The following NUP58 variants were observed in gnomAD, a reference collection of about 807,000 sequenced individuals.
NUP58 encodes nucleoporin 58.
NUP58 carries 17 observed loss-of-function variants against 70.1 expected under a neutral mutation model. The ratio of observed to expected loss-of-function variants is 0.24; its 90% confidence interval spans 0.17 to 0.36. NUP58 has a LOEUF of 0.36. Among genes scored for constraint, NUP58 ranks in the 10% least tolerant of loss-of-function variants. The pLI is 1.00. For missense variants in NUP58, 644 were observed against 701.5 expected (o/e 0.92, Z 0.93); for synonymous variants, 275 against 257.6 (o/e 1.07, Z -0.65).
chr13:25,327,248 C>G (rs948527812), intron 11 of NUP58, among the ~76,000 whole-genome samples, 182 bp from the exon 12 acceptor site: 1 of 152,118 alleles, frequency 6.6e-6, no homozygotes, highest in Non-Finnish European at 1.5e-5. Context: ...GGCCTTCCCC[C>G]CAGATTTCTT....
At chr13:25,301,977 T>A (rs958632062) in intron 1 of NUP58, 97 bp downstream of exon 1, 3 of 794,548 alleles carry the variant, frequency 3.8e-6, no homozygotes, top group Non-Finnish European at 6.0e-6. Context: ...TCCCTCTGGC[T>A]TCCTTCCCAG....
chr13:25,339,990 G>A lies in NUP58; in HGVS notation c.1656G>A (p.Gly552=), dbSNP rs371078051. Residue 552 remains glycine (G), a synonymous_variant, in exon 16 of 16, where the codon GGG becomes GGA. Transcript: ENST00000381736. ...SAGFGSSSTS[G]FNFSNPGITA... is the part of the protein sequence containing the mutation. ...GCTTTGGCAGCTCAAGTACATCTGG[G>A]TTTAACTTCAGCAATCCTGGCATCA... is the stretch of plus-strand genomic sequence containing the variant. The A allele has an allele frequency of 1.1e-5, 18 of 1,609,028 alleles. No individual in the cohort carries two copies. Among genetic ancestry groups the A allele is most frequent in the East Asian group, 2.3e-5 (1 of 44,418 alleles).
intron 3 of NUP58, among the ~76,000 whole-genome samples, chr13:25,310,446 C>G (rs1392767709): frequency 1.9e-4 from 29 of 151,360 alleles, no homozygotes; most frequent in Non-Finnish European, 7.4e-5. Context: ...TCTCGAACTC[C>G]CAACCTCAGG....
chr13:25,333,638 T>G (rs1011780734), intron 13 of NUP58: 5 of 985,282 alleles, frequency 5.1e-6, no homozygotes, highest in Non-Finnish European at 4.8e-6. Context: ...CCAGTCAAAA[T>G]TTTCGTTATT....
chr13:25,344,103 C>T (rs2032020386), downstream of NUP58, among the ~76,000 whole-genome samples: 1 of 151,984 alleles, frequency 6.6e-6, no homozygotes, highest in Non-Finnish European at 1.5e-5. Context: ...TTTGTGAGGT[C>T]AACCTTTTTA....
rs923762395 is a variant in NUP58 at position 25,332,657 on chromosome 13, C to T, written c.1435+1099C>T. 3.7e-5 allele frequency: 36 copies of T among 985,332 alleles called. No homozygotes were observed. The African/African-American group carries it at 6.1e-4, about 17-fold the overall frequency. 61.0% of individuals were successfully genotyped at this position (985,332 alleles called of 1,614,324 possible). On this transcript the variant is annotated intron_variant, in intron 13 of 15. Transcript: ENST00000381736. ...TCACATTTGGAGATGACAGAATTGACTTGCCATAAGTAAAGGGTTGATGAT... is the reference window on the plus strand; with the variant it reads ...TCACATTTGGAGATGACAGAATTGATTTGCCATAAGTAAAGGGTTGATGAT...
intron 3 of NUP58, 42 bp from the exon 4 acceptor site, chr13:25,312,841 G>A: frequency 6.5e-7 from 1 of 1,545,684 alleles, no homozygotes; most frequent in Non-Finnish European, 8.7e-7. Flanking sequence ...AGGTAAAGTA[G>A]GATTTTTGTT....
intron 3 of NUP58, among the ~76,000 whole-genome samples, chr13:25,311,954 A>G (rs1339532423): frequency 6.6e-6 from 1 of 152,144 alleles, no homozygotes; most frequent in East Asian, 1.9e-4. Context: ...ATAGCAAAAA[A>G]TGTTTGTGGT....
chr13:25,303,643 A>T (rs1011982290), intron 1 of NUP58, among the ~76,000 whole-genome samples: 1 of 152,076 alleles, frequency 6.6e-6, no homozygotes, highest in Non-Finnish European at 1.5e-5. Context: ...GGAGATTTCC[A>T]TTCTCCTAGT....
intron 1 of NUP58, among the ~76,000 whole-genome samples, chr13:25,306,965 T>C (rs562855817): frequency 6.6e-6 from 1 of 152,328 alleles, no homozygotes; most frequent in East Asian, 1.9e-4. Flanking sequence ...AGTTTTTCTA[T>C]GCTTTTTTTG....
At chr13:25,317,339 A>G (rs180933672) in intron 6 of NUP58, among the ~76,000 whole-genome samples, 18 of 152,266 alleles carry the variant, frequency 1.2e-4, no homozygotes, top group Non-Finnish European at 2.5e-4. Flanking sequence ...AAGGGATTTG[A>G]TGAGATTTGT....
At position 25,336,928 on chromosome 13, in the gene NUP58, T is replaced by TA. The variant is rs756138755; in HGVS notation, c.1436-7dup. On this transcript the variant is annotated splice_region_variant and splice_polypyrimidine_tract_variant and intron_variant, in intron 13 of 15. Transcript: ENST00000381736. ...TTCCCCCCCATTTTTTTTTTTTTTTTATACCAGGGCCACAGCCATCTCTGG... is the reference window on the plus strand; with the variant it reads ...TTCCCCCCCATTTTTTTTTTTTTTTTAATACCAGGGCCACAGCCATCTCTGG... The TA allele has an allele frequency of 1.3e-6, 2 of 1,536,198 alleles. No homozygotes were observed. Among genetic ancestry groups the TA allele is most frequent in the Non-Finnish European group, 1.7e-6 (2 of 1,144,308 alleles).
intron 12 of NUP58, among the ~76,000 whole-genome samples, chr13:25,328,756 C>G (rs574178511): frequency 1.3e-3 from 198 of 152,212 alleles, no homozygotes; most frequent in Admixed American, 4.4e-3. Flanking sequence ...GTGAAATGTT[C>G]AAGGTAAGTA....
At chr13:25,309,389 T>G in intron 3 of NUP58, 107 bp downstream of exon 3, 7 of 874,608 alleles carry the variant, frequency 8.0e-6, no homozygotes, top group African/African-American at 1.7e-5. Context: ...AGAGCTGGAG[T>G]ATAGAAAAAA....
intron 5 of NUP58, 63 bp from the exon 6 acceptor site, chr13:25,315,294 G>C: frequency 4.2e-6 from 5 of 1,178,564 alleles, no homozygotes; most frequent in South Asian, 2.6e-5. Context: ...AGAGTCCTTT[G>C]ATCAGTAAGG....
At chr13:25,305,198 C>T (rs1410486959) in intron 1 of NUP58, among the ~76,000 whole-genome samples, 1 of 130,466 alleles carries the variant, frequency 7.7e-6, no homozygotes, top group African/African-American at 3.2e-5. Context: ...GGCTGGAATG[C>T]AGTGGCGCAA....
intron 13 of NUP58, chr13:25,331,868 A>C: frequency 8.6e-7 from 1 of 1,163,774 alleles, no homozygotes; most frequent in South Asian, 2.2e-5. Flanking sequence ...ATAACATTAG[A>C]TTCTGAAATC....
At chr13:25,332,678 A>G (rs1445186544) in intron 13 of NUP58, 15 of 985,336 alleles carry the variant, frequency 1.5e-5, no homozygotes, top group African/African-American at 3.5e-5. Context: ...TAAAGGGTTG[A>G]TGATAGATTT....
At chr13:25,309,963 A>G (rs76613502) in intron 3 of NUP58, 7,817 of 366,474 alleles carry the variant, frequency 0.021, 606 homozygotes, top group African/African-American at 0.16. Context: ...TTAACAGAAA[A>G]CAACACATCT....
Sources: gnomAD v4.1 joint callset for allele counts (sites outside exome capture counted in the v4.1 genomes callset) on GRCh38, gnomAD v4.1.1 for gene constraint, MANE v1.5 for transcripts, NCBI Gene and HGNC (gene_info 2026-07-23, HGNC 2026-07-21) for gene names.